Variants in RPS19 observed in about 807,000 individuals in gnomAD.
RPS19 encodes the protein ribosomal protein S19, also known as small ribosomal subunit protein eS19.
A neutral mutation model predicts 20.3 loss-of-function variants in RPS19; 1 was observed. That is an observed-to-expected ratio of 0.05 (90% CI 0.02 to 0.23). The LOEUF is 0.23. Ranked by LOEUF, RPS19 falls within the 10% of genes least tolerant of loss-of-function variation. The pLI is 1.00. For synonymous variants in RPS19, 87 were observed against 74.8 expected (o/e 1.16, Z -0.84); for missense variants, 111 against 192.7 (o/e 0.58, Z 2.51).
rs577108828 is a variant in RPS19, at chr19:41,868,930, CCTT to C, written c.173-97_173-95del. 3.4e-4 allele frequency: 421 copies of C among 1,244,660 alleles called. 2 individuals are homozygous for C. In the African/African-American group the frequency reaches 5.2e-3, roughly 15 times the overall value. The allele number at this position is 1,244,660 out of a possible 1,614,324, so 77.1% of individuals were successfully genotyped here. On this transcript the variant is annotated intron_variant, in intron 3 of 5. Coordinates refer to ENST00000598742, the MANE Select transcript of RPS19 (RefSeq NM_001022.4). ...GGTGTTAGTGTGTGTTTTCAGTTTCCCTTCTTATAAAACAGTGAGAATTAGCTG... is the reference window on the plus strand; with the variant it reads ...GGTGTTAGTGTGTGTTTTCAGTTTCCCTTATAAAACAGTGAGAATTAGCTG...
chr19:41,869,603 T>G (rs782695354), intron 4 of RPS19, 96 bp from the exon 5 acceptor site: 79 of 1,363,552 alleles, frequency 5.8e-5, no homozygotes, highest in East Asian at 2.8e-4. Flanking sequence ...TGGCGGCAGG[T>G]GGCTTTTTGA....
intron 3 of RPS19, chr19:41,864,199 A>G (rs2074061605): frequency 1.3e-5 from 2 of 152,344 alleles, no homozygotes; most frequent in East Asian, 3.9e-4. Flanking sequence ...GAGATGTGGG[A>G]GTCCAGTTTG....
intron 3 of RPS19, among the ~76,000 whole-genome samples, chr19:41,867,759 C>G (rs2074105208): frequency 6.6e-6 from 1 of 151,734 alleles, no homozygotes; most frequent in African/African-American, 2.4e-5. Flanking sequence ...GAGCTATGAT[C>G]ACACCACAGC....
chr19:41,865,673 G>A (rs1555840261), intron 3 of RPS19, among the ~76,000 whole-genome samples: 2 of 152,148 alleles, frequency 1.3e-5, no homozygotes, highest in African/African-American at 4.8e-5. Context: ...CAGAGGCCCG[G>A]CGCGGTGGCT....
At chr19:41,870,848 CCTTTTTTTTTTTTTTT>C (rs1472469132) in intron 5 of RPS19, among the ~76,000 whole-genome samples, 4 of 85,810 alleles carry the variant, frequency 4.7e-5, no homozygotes, top group East Asian at 4.0e-4. Flanking sequence ...CCACTCCCTT[CCTTTTTTTTTTTTTTT>C]TTTTTTTTTT....
rs1296770185 is a variant in RPS19, at chr19:41,865,946, CT to C, written c.173-3082del. The stretch of plus-strand genomic sequence containing the variant: ...CCTGGGCGACAGAGTGAGACTCCGT[CT>C]TTAAAAAAAAAAAAAAAAAAAAAAG... On this transcript the variant is annotated intron_variant, in intron 3 of 5. Coordinates refer to ENST00000598742, the MANE Select transcript of RPS19 (RefSeq NM_001022.4). Among the ~76,000 whole-genome samples, 139 of 47,538 alleles carry C rather than the reference CT, an allele frequency of 2.9e-3. 3 individuals are homozygous for C. Among genetic ancestry groups the C allele is most frequent in the African/African-American group, 8.7e-3 (119 of 13,678 alleles). The allele number at this position is 47,538 out of a possible 152,430, so 31.2% of individuals were successfully genotyped here. A position where few individuals can be genotyped will look rare whatever the true frequency, so the allele number is the denominator to read the frequency against.
chr19:41,861,843 C>T (rs782683755), intron 3 of RPS19, among the ~76,000 whole-genome samples: 3 of 152,158 alleles, frequency 2.0e-5, no homozygotes, highest in Non-Finnish European at 4.4e-5. Flanking sequence ...TTATGGACAC[C>T]CTGCAACCTC....
intron 2 of RPS19, 68 bp downstream of exon 2, chr19:41,860,913 G>T (rs2074022585): frequency 7.2e-7 from 1 of 1,390,122 alleles, no homozygotes; most frequent in Admixed American, 1.8e-5. Context: ...CTGAGCCCCA[G>T]TGTTTGCCGG....
In RPS19 at chr19:41,860,539, G is replaced by T. The variant is rs74957959; in HGVS notation, c.1-236G>T. ...TCCCGGGGCTGGGGAGTGGGGTCGC[G>T]CAGGATCCTCACACGCAGGGGCCGG... On this transcript the variant is annotated intron_variant, in intron 1 of 5. Transcript: ENST00000598742. 7.5e-3 allele frequency: 4,292 copies of T among 568,950 alleles called. 141 individuals are homozygous for T. Among genetic ancestry groups the T allele is most frequent in the African/African-American group, 0.07 (3,719 of 53,260 alleles). The allele number at this position is 568,950 out of a possible 1,614,324, so 35.2% of individuals were successfully genotyped here.
intron 3 of RPS19, among the ~76,000 whole-genome samples, chr19:41,863,088 A>G (rs1298874989): frequency 2.0e-5 from 3 of 152,170 alleles, no homozygotes; most frequent in African/African-American, 2.4e-5. Context: ...CAGTGGCACA[A>G]TTATAGCTCA....
At chr19:41,868,402 G>A (rs1217773678) in intron 3 of RPS19, among the ~76,000 whole-genome samples, 1 of 152,218 alleles carries the variant, frequency 6.6e-6, no homozygotes, top group Non-Finnish European at 1.5e-5. Context: ...TGGAGAGATC[G>A]AAAAGCATTT....
rs35987051 is a variant in RPS19 at position 41,870,849 on chromosome 19, CTTTTTTTTTTTT to C, written c.412-482_412-471del. 1.1e-4 allele frequency among the ~76,000 whole-genome samples: 5 copies of C among 44,022 alleles called. 1 individual carries two copies. In the South Asian group the frequency reaches 2.7e-3, roughly 23 times the overall value. The allele number at this position is 44,022 out of a possible 152,430, so 28.9% of individuals were successfully genotyped here. ...TGGACTCCACTCCGCCACTCCCTTCCTTTTTTTTTTTTTTTTTTTTTTTTTTTTTTTGAGACA... is the reference window on the plus strand; with the variant it reads ...TGGACTCCACTCCGCCACTCCCTTCCTTTTTTTTTTTTTTTTTTTGAGACA... On this transcript the variant is annotated intron_variant, in intron 5 of 5. Transcript: ENST00000598742.
At position 41,867,837 on chromosome 19, in the gene RPS19, C is replaced by T. The variant is rs554990577; in HGVS notation, c.173-1194C>T. Among the ~76,000 whole-genome samples the T allele has an allele frequency of 5.0e-4, 76 of 152,284 alleles. 1 individual carries two copies. Among genetic ancestry groups the T allele is most frequent in the African/African-American group, 1.7e-3 (71 of 41,552 alleles). ...TAAGAAAAAAGAAAAAGCACTAATA[C>T]GGTGTAAATAATTGTTACACTGTTT... is the stretch of plus-strand genomic sequence containing the variant. On this transcript the variant is annotated intron_variant, in intron 3 of 5. Coordinates refer to ENST00000598742, the MANE Select transcript of RPS19 (RefSeq NM_001022.4).
chr19:41,871,229 A>G, intron 5 of RPS19, 122 bp from the exon 6 acceptor site: 1 of 828,592 alleles, frequency 1.2e-6, no homozygotes, highest in Non-Finnish European at 2.2e-6. Context: ...ATTAGATGAG[A>G]TAGATGCATT....
intron 3 of RPS19, chr19:41,861,507 A>G: frequency 2.4e-6 from 1 of 419,368 alleles, no homozygotes; most frequent in South Asian, 2.1e-5. Flanking sequence ...ATATACACGG[A>G]GGCAGACTCC....
intron 3 of RPS19, chr19:41,863,777 G>A (rs2074056849): frequency 6.6e-6 from 1 of 152,232 alleles, no homozygotes; most frequent in Non-Finnish European, 1.5e-5. Flanking sequence ...GCTCTCACTG[G>A]ACGTTCAAGG....
intron 3 of RPS19, among the ~76,000 whole-genome samples, chr19:41,865,997 T>TA (rs1320788778): frequency 7.0e-6 from 1 of 142,986 alleles, no homozygotes; most frequent in African/African-American, 2.6e-5. Flanking sequence ...CTCATGCCTG[T>TA]AATCCCAGCA....
chr19:41,869,024 C>T lies in RPS19; in HGVS notation c.173-7C>T. ...ACCCTTAAATCTCCCTCTCACACTACCCCCAGCTTCCACAGCGCGGCACCT... is the reference window on the plus strand; with the variant it reads ...ACCCTTAAATCTCCCTCTCACACTATCCCCAGCTTCCACAGCGCGGCACCT... On this transcript the variant is annotated splice_polypyrimidine_tract_variant and splice_region_variant and intron_variant, in intron 3 of 5. Coordinates refer to ENST00000598742, the MANE Select transcript of RPS19 (RefSeq NM_001022.4). The T allele has an allele frequency of 1.2e-6, 2 of 1,613,462 alleles. No individual in the cohort carries two copies. Among genetic ancestry groups the T allele is most frequent in the East Asian group, 4.5e-5 (2 of 44,878 alleles).
rs11540263 is a variant in RPS19, at chr19:41,869,101, A to T, written c.243A>T (p.Gly81=). Reference sequence around the variant, plus strand: ...GCTCCATGACCAAGATCTATGGGGGACGTCAGAGAAACGGCGTCATGCCCA... The same window carrying T: ...GCTCCATGACCAAGATCTATGGGGGTCGTCAGAGAAACGGCGTCATGCCCA... The part of the protein sequence containing the change: ...GVGSMTKIYG[G]RQRNGVMPSH... Residue 81 remains glycine, a synonymous_variant, in exon 4 of 6, where the codon GGA becomes GGT. Coordinates refer to ENST00000598742, the MANE Select transcript of RPS19 (RefSeq NM_001022.4). The T allele has an allele frequency of 6.8e-6, 11 of 1,613,608 alleles. No homozygotes were observed. The highest frequency in any genetic ancestry group is 3.3e-5 in the Admixed American group (2 of 59,984).
Sources: gnomAD v4.1 joint callset for allele counts (sites outside exome capture counted in the v4.1 genomes callset) on GRCh38, gnomAD v4.1.1 for gene constraint, MANE v1.5 for transcripts, NCBI Gene and HGNC (gene_info 2026-07-23, HGNC 2026-07-21) for gene names.